ADGRD1: variants seen among roughly 807,000 people sequenced by gnomAD.
ADGRD1 encodes G-protein coupled receptor 133.
In ADGRD1, 77 loss-of-function variants were observed where a neutral mutation model predicts 113.4. That is an observed-to-expected ratio of 0.68 (90% CI 0.57 to 0.82). ADGRD1 has a LOEUF of 0.82. ADGRD1 is among the 40% of genes least tolerant of loss of function. ADGRD1 has a pLI of 0.00. For synonymous variants in ADGRD1, 474 were observed against 475.0 expected, an observed-to-expected ratio of 1.00 and a Z score of 0.03; for missense variants, 1,036 against 1,139.1, an observed-to-expected ratio of 0.91 and a Z score of 1.30.
intron 13 of ADGRD1, among the ~76,000 whole-genome samples, chr12:131,056,020 A>T (rs982244809): frequency 6.6e-6 from 1 of 152,208 alleles, no homozygotes; most frequent in Non-Finnish European, 1.5e-5. Flanking sequence ...AGGAGTGAGG[A>T]TTACACCCCT....
At chr12:131,126,402 C>G (rs1182156963) in intron 20 of ADGRD1, among the ~76,000 whole-genome samples, 1 of 152,216 alleles carries the variant, frequency 6.6e-6, no homozygotes, top group East Asian at 1.9e-4. Flanking sequence ...TGTAATAAAT[C>G]TCTGTTCTTT....
chr12:131,083,289 C>CT lies in ADGRD1; in HGVS notation c.1548-1238dup, dbSNP rs538430900. ...AACTTCAGGGAAGAACCATTTAAATCTTTTTTTTTTTTTAATTTGAAAATA... is the reference window on the plus strand; with the variant it reads ...AACTTCAGGGAAGAACCATTTAAATCTTTTTTTTTTTTTTAATTTGAAAATA... On this transcript the variant is annotated intron_variant, in intron 14 of 24. Coordinates refer to ENST00000261654, the MANE Select transcript of ADGRD1 (RefSeq NM_198827.5). Among the ~76,000 whole-genome samples, 87 of 145,828 alleles carry CT rather than the reference C, an allele frequency of 6.0e-4. 1 individual carries two copies. The highest frequency in any genetic ancestry group is 2.4e-3 in the East Asian group (12 of 5,008).
At chr12:131,086,017 G>T (rs1043446428) in intron 15 of ADGRD1, among the ~76,000 whole-genome samples, 7 of 152,248 alleles carry the variant, frequency 4.6e-5, no homozygotes, top group African/African-American at 1.7e-4. Flanking sequence ...AGCAGCTCCC[G>T]GGAGGGGGCA....
intron 2 of ADGRD1, among the ~76,000 whole-genome samples, chr12:130,961,379 A>AC (rs1162833385): frequency 2.0e-5 from 3 of 151,678 alleles, no homozygotes; most frequent in Non-Finnish European, 4.4e-5. Flanking sequence ...GGCTGAAAAT[A>AC]CCCCTTTTTC....
chr12:130,986,481 C>T (rs1873699594), intron 5 of ADGRD1, among the ~76,000 whole-genome samples: 1 of 152,106 alleles, frequency 6.6e-6, no homozygotes, highest in Non-Finnish European at 1.5e-5. Context: ...GAGCAATTGA[C>T]TTGTATATTA....
chr12:131,101,357 T>C (rs1950070951), intron 15 of ADGRD1, among the ~76,000 whole-genome samples: 1 of 148,436 alleles, frequency 6.7e-6, no homozygotes, highest in East Asian at 2.0e-4. Context: ...TTCTTTTATT[T>C]TTTTTCTTTT....
Position 131,092,703 on chromosome 12 carries a change from C to T in ADGRD1, c.1671+8040C>T, listed in dbSNP as rs528176491. The stretch of plus-strand genomic sequence containing the variant: ...CTGGGAATGCCAGTCCCCGAGCACC[C>T]GCTCCTGGGGCCTGGTGGTCACAGG... On this transcript the variant is annotated intron_variant, in intron 15 of 24. Transcript: ENST00000261654. Among the ~76,000 whole-genome samples, 9 of 152,156 alleles carry T rather than the reference C, an allele frequency of 5.9e-5. No homozygotes were observed. In the South Asian group the frequency reaches 1.0e-3, roughly 18 times the overall value.
intron 15 of ADGRD1, among the ~76,000 whole-genome samples, chr12:131,089,144 T>A (rs1281387441): frequency 2.0e-5 from 3 of 152,144 alleles, no homozygotes; most frequent in Admixed American, 2.0e-4. Context: ...CGGCCCCACA[T>A]GTGTGCTCGT....
At chr12:131,133,845 A>C (rs1471556771) in intron 21 of ADGRD1, among the ~76,000 whole-genome samples, 1 of 152,066 alleles carries the variant, frequency 6.6e-6, no homozygotes, top group Non-Finnish European at 1.5e-5. Flanking sequence ...CTTCCCCAGC[A>C]CCTTGCTATT....
At chr12:130,986,053 T>G (rs568736766) in intron 5 of ADGRD1, among the ~76,000 whole-genome samples, 72 of 152,356 alleles carry the variant, frequency 4.7e-4, no homozygotes, top group African/African-American at 1.5e-3. Flanking sequence ...CACACTGTCT[T>G]GACTACTGTA....
chr12:131,078,784 TC>T (rs1885844156), intron 14 of ADGRD1, among the ~76,000 whole-genome samples: 1 of 152,170 alleles, frequency 6.6e-6, no homozygotes, highest in Non-Finnish European at 1.5e-5. Flanking sequence ...TTCCCTCAAT[TC>T]CTAGAGGCAG....
intron 13 of ADGRD1, among the ~76,000 whole-genome samples, chr12:131,045,531 C>T (rs1397966586): frequency 6.6e-6 from 1 of 152,032 alleles, no homozygotes; most frequent in Non-Finnish European, 1.5e-5. Context: ...GCCTCCCTGC[C>T]CGGGCACATC....
In ADGRD1 at chr12:131,094,010, G is replaced by GC. The variant is rs1169368526; in HGVS notation, c.1671+9349dup. Among the ~76,000 whole-genome samples, 42 of 96,570 alleles carry GC rather than the reference G, an allele frequency of 4.3e-4. No individual in the cohort carries two copies. The East Asian group carries it at 9.0e-3, about 21-fold the overall frequency. 63.4% of individuals were successfully genotyped at this position (96,570 alleles called of 152,430 possible). The stretch of plus-strand genomic sequence containing the variant: ...CTCAGCACCCAGCCCTGAGCACCCA[G>GC]CCTCAGCACCCAGCGTCAGCACCCA... On this transcript the variant is annotated intron_variant, in intron 15 of 24. Transcript: ENST00000261654.
intron 4 of ADGRD1, among the ~76,000 whole-genome samples, chr12:130,976,514 C>T (rs1293330507): frequency 6.6e-6 from 1 of 152,164 alleles, no homozygotes; most frequent in Admixed American, 6.5e-5. Flanking sequence ...CCAGTCTCTC[C>T]AGGTGATTCT....
chr12:130,981,218 G>A (rs532684942), intron 4 of ADGRD1: 1 of 152,256 alleles, frequency 6.6e-6, no homozygotes, highest in South Asian at 2.1e-4. Flanking sequence ...TTCAAAAAGT[G>A]GAAGAAAACC....
At chr12:131,110,658 G>C (rs1382728662) in intron 18 of ADGRD1, among the ~76,000 whole-genome samples, 1 of 152,050 alleles carries the variant, frequency 6.6e-6, no homozygotes, top group African/African-American at 2.4e-5. Context: ...TTCCATTTCT[G>C]GTTCTCTGTA....
chr12:131,000,865 C>G (rs1323077067), intron 9 of ADGRD1, among the ~76,000 whole-genome samples: 1 of 151,960 alleles, frequency 6.6e-6, no homozygotes, highest in South Asian at 2.1e-4. Flanking sequence ...GTCACATCCA[C>G]AAAAAGAATG....
At chr12:131,042,175 A>G (rs577177331) in intron 13 of ADGRD1, among the ~76,000 whole-genome samples, 3 of 152,372 alleles carry the variant, frequency 2.0e-5, no homozygotes, top group African/African-American at 7.2e-5. Context: ...AAAGTTATGA[A>G]CTGTCCCAAT....
intron 20 of ADGRD1, among the ~76,000 whole-genome samples, chr12:131,125,902 T>G (rs947424041): frequency 3.3e-5 from 5 of 152,214 alleles, no homozygotes; most frequent in Non-Finnish European, 5.9e-5. Context: ...AGTTGAATAC[T>G]GGAAGTGAAA....
Sources: gnomAD v4.1 joint callset for allele counts (sites outside exome capture counted in the v4.1 genomes callset) on GRCh38, gnomAD v4.1.1 for gene constraint, MANE v1.5 for transcripts, NCBI Gene and HGNC (gene_info 2026-07-23, HGNC 2026-07-21) for gene names.